The following FAM107B variants were observed in gnomAD, a reference collection of about 807,000 sequenced individuals.
FAM107B encodes the protein protein FAM107B.
In FAM107B, 21 loss-of-function variants were observed where a neutral mutation model predicts 31.5. The observed-to-expected ratio is 0.67, with a 90% CI of 0.47 to 0.96. The LOEUF (loss-of-function observed/expected upper bound fraction) is 0.96. Ranked by LOEUF, FAM107B falls within the 40% of genes least tolerant of loss-of-function variation. The pLI is 0.00. For synonymous variants in FAM107B, 157 were observed against 141.5 expected, an observed-to-expected ratio of 1.11 and a Z score of -0.78; for missense variants, 452 against 377.1, an observed-to-expected ratio of 1.20 and a Z score of -1.64.
At chr10:14,656,458 T>C (rs1032256231) in intron 2 of FAM107B, among the ~76,000 whole-genome samples, 24 of 152,216 alleles carry the variant, frequency 1.6e-4, no homozygotes, top group African/African-American at 5.8e-4. Context: ...GATGACAATT[T>C]CCACCTTCCA....
intron 1 of FAM107B, among the ~76,000 whole-genome samples, chr10:14,711,490 T>C (rs1006928486): frequency 6.6e-6 from 1 of 152,218 alleles, no homozygotes; most frequent in Non-Finnish European, 1.5e-5. Flanking sequence ...TACAGTCACA[T>C]GCTACACAGG....
intron 2 of FAM107B, among the ~76,000 whole-genome samples, chr10:14,640,506 C>A (rs1853601717): frequency 6.6e-6 from 1 of 152,206 alleles, no homozygotes; most frequent in African/African-American, 2.4e-5. Flanking sequence ...GAGAACTAGT[C>A]AACCCTGGAC....
chr10:14,609,251 G>C (rs779753233), intron 2 of FAM107B, among the ~76,000 whole-genome samples: 2 of 152,122 alleles, frequency 1.3e-5, no homozygotes, highest in Non-Finnish European at 2.9e-5. Context: ...CCCACATATT[G>C]ACTCGTCCTT....
chr10:14,645,491 C>CATTTATA (rs1853729784), intron 2 of FAM107B, among the ~76,000 whole-genome samples: 1 of 150,654 alleles, frequency 6.6e-6, no homozygotes, highest in African/African-American at 2.4e-5. Flanking sequence ...TTTCTTCCCC[C>CATTTATA]ACATCTCCAT....
rs78466701 is a variant in FAM107B, at chr10:14,537,420, C to T, written c.470-6905G>A. ...GAGCATGGGTTTGGGTGGGGCAACCCGCATCTGCATTCCAGCTTCCTCACT... is the reference window on the plus strand; with the variant it reads ...GAGCATGGGTTTGGGTGGGGCAACCTGCATCTGCATTCCAGCTTCCTCACT... On this transcript the variant is annotated intron_variant, in intron 2 of 4. Transcript: ENST00000181796. Among the ~76,000 whole-genome samples, 39 of 152,298 alleles carry T rather than the reference C, an allele frequency of 2.6e-4. 1 individual carries two copies. In the East Asian group the frequency reaches 6.4e-3, roughly 25 times the overall value.
chr10:14,551,957 T>G (rs1262586506), intron 2 of FAM107B, among the ~76,000 whole-genome samples: 1 of 152,208 alleles, frequency 6.6e-6, no homozygotes, highest in South Asian at 2.1e-4. Flanking sequence ...TCCTGTCTAC[T>G]TTTGCCACAC....
intron 2 of FAM107B, among the ~76,000 whole-genome samples, chr10:14,638,980 C>T (rs942809835): frequency 6.6e-6 from 1 of 151,978 alleles, no homozygotes; most frequent in Non-Finnish European, 1.5e-5. Flanking sequence ...TGCTTGAGTC[C>T]AGGATTTCGA....
intron 2 of FAM107B, among the ~76,000 whole-genome samples, chr10:14,585,916 C>T (rs1336959980): frequency 6.6e-6 from 1 of 152,182 alleles, no homozygotes; most frequent in African/African-American, 2.4e-5. Context: ...GGACCAGGCT[C>T]GTCCCAAACC....
At chr10:14,542,444 T>C (rs1334039993) in intron 2 of FAM107B, 1 of 152,180 alleles carries the variant, frequency 6.6e-6, no homozygotes, top group Non-Finnish European at 1.5e-5. Flanking sequence ...TCTGATTCTA[T>C]TAAAATTAAA....
chr10:14,542,386 T>C (rs1222219353), intron 2 of FAM107B, among the ~76,000 whole-genome samples: 1 of 152,094 alleles, frequency 6.6e-6, no homozygotes, highest in Non-Finnish European at 1.5e-5. Flanking sequence ...GTGTTTCCCC[T>C]TTACACTCCT....
intron 2 of FAM107B, among the ~76,000 whole-genome samples, chr10:14,618,569 G>T (rs891245765): frequency 4.6e-5 from 7 of 152,154 alleles, no homozygotes; most frequent in African/African-American, 1.7e-4. Context: ...GGGCTTGGTG[G>T]CTCATGCCTG....
At chr10:14,771,564 T>TGTATACAC (rs1483403810) in intron 1 of FAM107B, among the ~76,000 whole-genome samples, 1 of 151,896 alleles carries the variant, frequency 6.6e-6, no homozygotes, top group African/African-American at 2.4e-5. Flanking sequence ...CATTTATACA[T>TGTATACAC]GTATACATAC....
chr10:14,594,350 A>C (rs1011718204), intron 2 of FAM107B, among the ~76,000 whole-genome samples: 2 of 151,944 alleles, frequency 1.3e-5, no homozygotes, highest in Non-Finnish European at 2.9e-5. Flanking sequence ...ACAAAATATA[A>C]AATTTAAAAA....
At chr10:14,606,492 T>C (rs1411056087) in intron 2 of FAM107B, among the ~76,000 whole-genome samples, 1 of 152,196 alleles carries the variant, frequency 6.6e-6, no homozygotes, top group Non-Finnish European at 1.5e-5. Context: ...TGGGAAGTGT[T>C]ATGGACTAAA....
rs151190594 is a variant in FAM107B at position 14,669,407 on chromosome 10, G to T, written c.412-1716C>A. Among the ~76,000 whole-genome samples the T allele has an allele frequency of 3.2e-3, 474 of 147,462 alleles. 8 individuals carry two copies. The East Asian group carries it at 0.052, about 16-fold the overall frequency. Reference sequence around the variant, plus strand: ...AAAGGAAGAAAGAAATGTCCTTTTCGAAGGAAATCAGTATATCAAAGGGAT... The same window carrying T: ...AAAGGAAGAAAGAAATGTCCTTTTCTAAGGAAATCAGTATATCAAAGGGAT... On this transcript the variant is annotated intron_variant, in intron 1 of 4. Coordinates refer to ENST00000181796, the MANE Select transcript of FAM107B (RefSeq NM_031453.4).
intron 1 of FAM107B, among the ~76,000 whole-genome samples, chr10:14,725,986 C>T (rs113072550): frequency 0.055 from 7,999 of 146,240 alleles, 288 homozygotes; most frequent in Non-Finnish European, 0.08. Context: ...GCATCACACC[C>T]GGCTAATTTT....
At chr10:14,582,156 A>G (rs1337730260) in intron 2 of FAM107B, among the ~76,000 whole-genome samples, 1 of 152,128 alleles carries the variant, frequency 6.6e-6, no homozygotes, top group Non-Finnish European at 1.5e-5. Context: ...TACCAAAGGG[A>G]TCCAAGGTTG....
intron 2 of FAM107B, among the ~76,000 whole-genome samples, chr10:14,658,082 G>A (rs1242875790): frequency 1.3e-5 from 2 of 152,188 alleles, no homozygotes; most frequent in Non-Finnish European, 2.9e-5. Context: ...AAAGTGCTGG[G>A]ATTACAGGCG....
intron 1 of FAM107B, among the ~76,000 whole-genome samples, chr10:14,734,744 T>TTTTA (rs1361903743): frequency 4.6e-5 from 7 of 152,216 alleles, no homozygotes; most frequent in African/African-American, 1.4e-4. Context: ...AGCTTTGTGC[T>TTTTA]TTTATTTATT....
Sources: allele counts gnomAD v4.1 joint callset (sites outside exome capture counted in the v4.1 genomes callset), GRCh38; gene constraint gnomAD v4.1.1; transcripts MANE v1.5; gene names NCBI Gene and HGNC (gene_info 2026-07-23, HGNC 2026-07-21).